The following DAB1 variants were observed in gnomAD, a reference collection of about 807,000 sequenced individuals.
The protein encoded by DAB1 is disabled homolog 1.
DAB1 carries 15 observed loss-of-function variants against 64.6 expected under a neutral mutation model. The ratio of observed to expected loss-of-function variants is 0.23; its 90% CI spans 0.16 to 0.36. DAB1 has a LOEUF of 0.36. DAB1 is among the 10% of genes least tolerant of loss of function. DAB1 has a pLI of 1.00. For synonymous variants in DAB1, 235 were observed against 251.9 expected (o/e 0.93, Z 0.64); for missense variants, 596 against 706.7 (o/e 0.84, Z 1.78).
intron 7 of DAB1, among the ~76,000 whole-genome samples, chr1:57,626,224 GT>G (rs1645921441): frequency 6.6e-6 from 1 of 152,170 alleles, no homozygotes; most frequent in Admixed American, 6.5e-5. Flanking sequence ...TTGGGTAGCA[GT>G]GAGGAGCTGG....
At chr1:58,496,370 T>G (rs1472567362) in intron 3 of DAB1, among the ~76,000 whole-genome samples, 3 of 152,202 alleles carry the variant, frequency 2.0e-5, no homozygotes, top group Non-Finnish European at 4.4e-5. Flanking sequence ...TTCTTTCAGA[T>G]TCTGTCACTT....
At chr1:58,102,612 T>C (rs1651388963) in intron 5 of DAB1, among the ~76,000 whole-genome samples, 1 of 152,190 alleles carries the variant, frequency 6.6e-6, no homozygotes, top group African/African-American at 2.4e-5. Context: ...CTTGCCAAAA[T>C]ATTTTTTTCT....
chr1:58,377,581 A>C (rs1303704159), intron 3 of DAB1, among the ~76,000 whole-genome samples: 1 of 137,538 alleles, frequency 7.3e-6, no homozygotes, highest in East Asian at 2.0e-4. Context: ...CTTTGAGGGT[A>C]ACCCGACCTT....
chr1:57,705,353 AT>A (rs1471884069), intron 6 of DAB1, among the ~76,000 whole-genome samples: 1 of 152,080 alleles, frequency 6.6e-6, no homozygotes, highest in Admixed American at 6.6e-5. Context: ...ATATATCTGG[AT>A]TTTTTAAAAA....
intron 2 of DAB1, among the ~76,000 whole-genome samples, chr1:57,217,735 A>T (rs924044644): frequency 1.3e-5 from 2 of 152,106 alleles, no homozygotes; most frequent in African/African-American, 4.8e-5. Context: ...TCTGATGGTG[A>T]CACTGTCTCA....
chr1:57,302,073 C>T (rs574185974), intron 1 of DAB1, among the ~76,000 whole-genome samples: 1 of 152,230 alleles, frequency 6.6e-6, no homozygotes, highest in East Asian at 1.9e-4. Flanking sequence ...ATTTGCTAGT[C>T]CAATCTCAAT....
chr1:57,746,943 T>C (rs1015301667), intron 6 of DAB1, among the ~76,000 whole-genome samples: 1 of 152,296 alleles, frequency 6.6e-6, no homozygotes, highest in South Asian at 2.1e-4. Flanking sequence ...TTATATATGA[T>C]GAAAATATTT....
intron 5 of DAB1, among the ~76,000 whole-genome samples, chr1:57,949,952 A>G (rs934231966): frequency 2.1e-4 from 32 of 152,292 alleles, no homozygotes; most frequent in African/African-American, 7.7e-4. Context: ...TCTCCATTTC[A>G]CAGATGAGGT....
At chr1:57,373,478 C>T (rs1206181981) in intron 1 of DAB1, among the ~76,000 whole-genome samples, 2 of 152,112 alleles carry the variant, frequency 1.3e-5, no homozygotes, top group Non-Finnish European at 2.9e-5. Context: ...TACCTGCCCC[C>T]TCAAAGGCAC....
At chr1:57,538,857 C>G (rs184723700) in intron 7 of DAB1, among the ~76,000 whole-genome samples, 4 of 152,320 alleles carry the variant, frequency 2.6e-5, no homozygotes, top group East Asian at 1.9e-4. Context: ...ACTCACCCCC[C>G]CTACAACTCT....
chr1:57,735,479 C>T (rs1161035900), intron 6 of DAB1, among the ~76,000 whole-genome samples: 4 of 151,986 alleles, frequency 2.6e-5, no homozygotes, highest in Non-Finnish European at 5.9e-5. Flanking sequence ...AGGTGGTGTG[C>T]TAGCAGCTAG....
intron 2 of DAB1, among the ~76,000 whole-genome samples, chr1:57,267,587 G>A (rs575695642): frequency 1.1e-4 from 17 of 152,252 alleles, no homozygotes; most frequent in Non-Finnish European, 1.8e-4. Context: ...TTCGCAGCCC[G>A]AGTACCTGAA....
intron 6 of DAB1, among the ~76,000 whole-genome samples, chr1:57,788,610 A>C (rs1009640857): frequency 1.3e-5 from 2 of 152,176 alleles, no homozygotes; most frequent in Non-Finnish European, 2.9e-5. Flanking sequence ...ACCCATGCTT[A>C]AGAGAGAGAG....
chr1:58,389,749 A>G (rs1448668906), intron 3 of DAB1, among the ~76,000 whole-genome samples: 3 of 152,212 alleles, frequency 2.0e-5, no homozygotes, highest in Non-Finnish European at 4.4e-5. Context: ...CTGCTAGAAT[A>G]GTAAGCTCAG....
intron 6 of DAB1, among the ~76,000 whole-genome samples, chr1:57,672,175 T>C (rs1334111175): frequency 2.6e-5 from 4 of 152,110 alleles, no homozygotes; most frequent in African/African-American, 9.7e-5. Context: ...CAAACCCAGT[T>C]CTAATGGACT....
rs143313982 is a variant in DAB1 at position 57,046,339 on chromosome 1, C to A, written c.723+16545G>T. Among the ~76,000 whole-genome samples the A allele has an allele frequency of 4.6e-3, 698 of 152,300 alleles. 7 individuals carry two copies. Among genetic ancestry groups the A allele is most frequent in the African/African-American group, 0.015 (644 of 41,572 alleles). ...TTCTCGCCTCCTTTCTAAGTCACTG[C>A]AAAAACAAGTTTTGTATCCTTTGGG... On this transcript the variant is annotated intron_variant, in intron 9 of 14. Coordinates refer to ENST00000371236, the MANE Select transcript of DAB1 (RefSeq NM_001365792.1).
chr1:57,573,926 T>A (rs1179276143), intron 7 of DAB1, among the ~76,000 whole-genome samples: 1 of 152,202 alleles, frequency 6.6e-6, no homozygotes, highest in African/African-American at 2.4e-5. Context: ...ATAAACACTC[T>A]CCTTGATTAT....
At chr1:57,606,381 T>TATATATAC (rs1317608902) in intron 7 of DAB1, among the ~76,000 whole-genome samples, 2 of 130,388 alleles carry the variant, frequency 1.5e-5, no homozygotes, top group African/African-American at 5.6e-5. Flanking sequence ...TAATCCTATA[T>TATATATAC]ATATATATAT....
At chr1:57,991,008 T>C (rs1646329636) in intron 5 of DAB1, among the ~76,000 whole-genome samples, 1 of 152,144 alleles carries the variant, frequency 6.6e-6, no homozygotes, top group African/African-American at 2.4e-5. Flanking sequence ...ATAATGACTG[T>C]GGCCAAGCAG....
Sources: allele counts gnomAD v4.1 joint callset (sites outside exome capture counted in the v4.1 genomes callset), GRCh38; gene constraint gnomAD v4.1.1; transcripts MANE v1.5; gene names NCBI Gene and HGNC (gene_info 2026-07-23, HGNC 2026-07-21).